Variants in LSAMP observed in about 807,000 individuals in gnomAD.
LSAMP encodes limbic system associated membrane protein.
A neutral mutation model predicts 38.6 loss-of-function variants in LSAMP; 7 were observed. The observed-to-expected ratio is 0.18, with a 90% confidence interval of 0.10 to 0.34. The LOEUF (loss-of-function observed/expected upper bound fraction) is 0.34, where lower values mean the gene tolerates loss of function less well. Ranked by LOEUF, LSAMP falls within the 10% of genes least tolerant of loss-of-function variation. The pLI is 1.00. For missense variants in LSAMP, 313 were observed against 420.0 expected (o/e 0.75, Z 2.23); for synonymous variants, 154 against 166.8 (o/e 0.92, Z 0.59).
intron 6 of LSAMP, among the ~76,000 whole-genome samples, chr3:115,834,959 T>C (rs535897446): frequency 6.6e-6 from 1 of 152,246 alleles, no homozygotes; most frequent in South Asian, 2.1e-4. Context: ...TGATACATCT[T>C]GGTCTTGGTT....
intron 1 of LSAMP, among the ~76,000 whole-genome samples, chr3:116,356,938 C>A (rs1251197072): frequency 2.6e-5 from 4 of 152,100 alleles, no homozygotes; most frequent in African/African-American, 9.7e-5. Flanking sequence ...GGACTACAGG[C>A]GCCCGCCACC....
chr3:115,842,411 C>G (rs866200167), intron 5 of LSAMP, 47 bp downstream of exon 5: 1 of 1,603,362 alleles, frequency 6.2e-7, no homozygotes, highest in Non-Finnish European at 8.5e-7. Flanking sequence ...CTGGTGTCCC[C>G]AGGCCCATGC....
intron 6 of LSAMP, among the ~76,000 whole-genome samples, chr3:115,814,479 A>G (rs571087091): frequency 6.6e-6 from 1 of 152,336 alleles, no homozygotes; most frequent in Admixed American, 6.5e-5. Flanking sequence ...TTTCAGAAAA[A>G]TCTCAAGTAA....
chr3:116,332,165 A>C (rs1328999831), intron 1 of LSAMP, among the ~76,000 whole-genome samples: 2 of 152,120 alleles, frequency 1.3e-5, no homozygotes, highest in African/African-American at 4.8e-5. Flanking sequence ...TGCATGATTT[A>C]AAAGTCATGA....
At chr3:115,870,424 A>G (rs989817532) in intron 3 of LSAMP, among the ~76,000 whole-genome samples, 5 of 152,290 alleles carry the variant, frequency 3.3e-5, no homozygotes, top group African/African-American at 9.6e-5. Context: ...AAATAATTAC[A>G]ATATCAGTAC....
At chr3:116,226,718 T>C (rs1012763388) in intron 1 of LSAMP, among the ~76,000 whole-genome samples, 5 of 152,256 alleles carry the variant, frequency 3.3e-5, no homozygotes, top group Non-Finnish European at 7.3e-5. Flanking sequence ...CAGATAGGCT[T>C]CACTTTGTGT....
chr3:116,022,942 T>C (rs541234912), intron 2 of LSAMP, among the ~76,000 whole-genome samples: 1 of 152,248 alleles, frequency 6.6e-6, no homozygotes, highest in African/African-American at 2.4e-5. Context: ...TAGTTAACAG[T>C]ATCATCAGGC....
chr3:116,083,539 C>G (rs1465179262), intron 2 of LSAMP, among the ~76,000 whole-genome samples: 1 of 152,162 alleles, frequency 6.6e-6, no homozygotes, highest in Non-Finnish European at 1.5e-5. Context: ...AACTGCTATT[C>G]TTTGGTGATA....
At chr3:116,398,883 T>G (rs2048804620) in intron 1 of LSAMP, among the ~76,000 whole-genome samples, 2 of 152,048 alleles carry the variant, frequency 1.3e-5, no homozygotes, top group Admixed American at 1.3e-4. Flanking sequence ...ATAGACAGTG[T>G]TGAATGTAAA....
intron 1 of LSAMP, among the ~76,000 whole-genome samples, chr3:116,167,711 A>G (rs891717686): frequency 1.3e-5 from 2 of 152,230 alleles, no homozygotes; most frequent in Non-Finnish European, 2.9e-5. Flanking sequence ...GCCCTCATGG[A>G]GAAACATTTT....
intron 1 of LSAMP, among the ~76,000 whole-genome samples, chr3:116,181,216 T>G (rs1237097131): frequency 6.6e-6 from 1 of 152,068 alleles, no homozygotes; most frequent in Non-Finnish European, 1.5e-5. Context: ...AATTCATACT[T>G]CATCCAGGTA....
At chr3:116,265,466 C>T (rs1359683842) in intron 1 of LSAMP, among the ~76,000 whole-genome samples, 2 of 152,144 alleles carry the variant, frequency 1.3e-5, no homozygotes, top group African/African-American at 4.8e-5. Flanking sequence ...CATCTGCTCT[C>T]GTATCCGAAG....
At chr3:116,209,666 T>C (rs1194510311) in intron 1 of LSAMP, among the ~76,000 whole-genome samples, 4 of 152,140 alleles carry the variant, frequency 2.6e-5, no homozygotes. Context: ...ACGCAAACAG[T>C]GATCAATGAC....
At chr3:115,893,814 G>C (rs928568212) in intron 3 of LSAMP, among the ~76,000 whole-genome samples, 1 of 151,896 alleles carries the variant, frequency 6.6e-6, no homozygotes, top group African/African-American at 2.4e-5. Flanking sequence ...CACCCAATTT[G>C]TGTTCTTCTT....
In LSAMP at chr3:116,319,001, C is replaced by T. The variant is rs141816069; in HGVS notation, c.155+125876G>A. On this transcript the variant is annotated intron_variant, in intron 1 of 6. Coordinates refer to ENST00000490035, the MANE Select transcript of LSAMP (RefSeq NM_002338.5). ...ACATTTTACATTCTAAGCTAGTTAT[C>T]GATGGCTTCCTTTAGTGAGGCAAAA... Among the ~76,000 whole-genome samples, 194 of 148,258 alleles carry T rather than the reference C, an allele frequency of 1.3e-3. 1 individual carries two copies. The highest frequency in any genetic ancestry group is 3.9e-4 in the East Asian group (2 of 5,074).
rs78481414 is a variant in LSAMP at position 116,088,212 on chromosome 3, C to T, written c.156-1656G>A. Among the ~76,000 whole-genome samples the T allele has an allele frequency of 1.0e-2, 1,517 of 152,186 alleles. 21 individuals are homozygous for T. Among genetic ancestry groups the T allele is most frequent in the African/African-American group, 0.033 (1,365 of 41,512 alleles). On this transcript the variant is annotated intron_variant, in intron 1 of 6. Transcript: ENST00000490035. The stretch of plus-strand genomic sequence containing the variant: ...AGAATTTGACTTAATAAGTTGGGTG[C>T]CAAGATACACAGGTCTTACTTTTCT...
intron 1 of LSAMP, among the ~76,000 whole-genome samples, chr3:116,178,702 C>G (rs12485667): frequency 0.21 from 32,482 of 152,008 alleles, 3,577 homozygotes; most frequent in Admixed American, 0.25. Flanking sequence ...CACTTGGGAG[C>G]CCAAGATAAA....
chr3:116,101,345 AATG>A (rs1708343029), intron 1 of LSAMP, among the ~76,000 whole-genome samples: 2 of 152,224 alleles, frequency 1.3e-5, no homozygotes, highest in South Asian at 2.1e-4. Flanking sequence ...GGTCTAGAAA[AATG>A]ATGATATCTA....
chr3:115,947,276 T>C (rs1341888453), intron 3 of LSAMP, among the ~76,000 whole-genome samples: 1 of 152,148 alleles, frequency 6.6e-6, no homozygotes, highest in Non-Finnish European at 1.5e-5. Context: ...AATAATATTA[T>C]ACTGAAACTC....
Sources: gnomAD v4.1 joint callset for allele counts (sites outside exome capture counted in the v4.1 genomes callset) on GRCh38, gnomAD v4.1.1 for gene constraint, MANE v1.5 for transcripts, NCBI Gene and HGNC (gene_info 2026-07-23, HGNC 2026-07-21) for gene names.